The following TMEM8B variants were observed in gnomAD, a reference collection of about 807,000 sequenced individuals.
The protein encoded by TMEM8B is nasopharyngeal carcinoma expressed 6.
In TMEM8B, 29 loss-of-function variants were observed where a neutral mutation model predicts 49.3. The observed-to-expected ratio is 0.59, with a 90% CI of 0.44 to 0.80. The LOEUF (loss-of-function observed/expected upper bound fraction) is 0.80, where lower values mean the gene tolerates loss of function less well. TMEM8B is among the 30% of genes least tolerant of loss of function. The pLI, the probability that TMEM8B is intolerant of heterozygous loss-of-function variation, is 0.00. For missense variants in TMEM8B, 575 were observed against 658.5 expected (o/e 0.87, Z 1.39); for synonymous variants, 264 against 272.8 (o/e 0.97, Z 0.32).
Position 35,858,275 on chromosome 9 carries a change from G to A in TMEM8B, c.*4435G>A, listed in dbSNP as rs1832587979. Reference sequence around the variant, plus strand: ...TGGCTAATTTTTTGTGTTTTTAGTAGAGGCAGGGTTTCATCACATTTCCCG... The same window carrying A: ...TGGCTAATTTTTTGTGTTTTTAGTAAAGGCAGGGTTTCATCACATTTCCCG... On this transcript the variant is annotated 3_prime_UTR_variant, in exon 13 of 13. Coordinates refer to ENST00000643932, the MANE Select transcript of TMEM8B (RefSeq NM_001042590.4). 1 of 151,698 alleles carries A rather than the reference G, an allele frequency of 6.6e-6. No individual in the cohort carries two copies. Among genetic ancestry groups the A allele is most frequent in the South Asian group, 2.1e-4 (1 of 4,794 alleles). 9.4% of individuals were successfully genotyped at this position (151,698 alleles called of 1,614,324 possible).
intron 10 of TMEM8B, among the ~76,000 whole-genome samples, chr9:35,850,916 G>A (rs951188014): frequency 4.6e-5 from 7 of 152,072 alleles, no homozygotes; most frequent in Non-Finnish European, 1.0e-4. Context: ...ACAGTATTGG[G>A]TAATTTAGTG....
chr9:35,846,678 G>T, intron 9 of TMEM8B, 67 bp downstream of exon 9: 2 of 1,554,774 alleles, frequency 1.3e-6, no homozygotes, highest in Non-Finnish European at 1.7e-6. Context: ...CTGTGGGCAG[G>T]CGGCGGGAGT....
rs1366180971 is a variant in TMEM8B, at chr9:35,853,381, C to T, written c.2439+124C>T. The T allele has an allele frequency of 2.3e-5, 34 of 1,454,544 alleles. No homozygotes were observed. Among genetic ancestry groups the T allele is most frequent in the Middle Eastern group, 2.2e-4 (1 of 4,564 alleles). 90.1% of individuals were successfully genotyped at this position (1,454,544 alleles called of 1,614,324 possible). The stretch of plus-strand genomic sequence containing the variant: ...GTCATCACCTGCTGCTGGCAGTGTC[C>T]GCTCCAGTCTTGGCAGGTGTCTTTA... On this transcript the variant is annotated intron_variant, in intron 12 of 12. Coordinates refer to ENST00000643932, the MANE Select transcript of TMEM8B (RefSeq NM_001042590.4). This position sits in a 1 kb window ranked among gnomAD's most constrained non-coding sequence, Gnocchi z 4.2.
chr9:35,849,573 G>A (rs144635229), intron 10 of TMEM8B, among the ~76,000 whole-genome samples: 2 of 152,304 alleles, frequency 1.3e-5, no homozygotes, highest in African/African-American at 2.4e-5. Flanking sequence ...GGTAGAAGGT[G>A]AGTATCTACC....
In TMEM8B at chr9:35,842,354, G is replaced by A. The variant is rs1831099604; in HGVS notation, c.1310-38G>A. 8 of 1,438,598 alleles carry A rather than the reference G, an allele frequency of 5.6e-6. No homozygotes were observed. The highest frequency in any genetic ancestry group is 1.8e-4 in the Middle Eastern group (1 of 5,494). 89.1% of individuals were successfully genotyped at this position (1,438,598 alleles called of 1,614,324 possible). Reference sequence around the variant, plus strand: ...TTATGAGTAAGTTCAGGACTGTAAAGGCTGCAGGCCCAAGCTCTGGTTTCC... The same window carrying A: ...TTATGAGTAAGTTCAGGACTGTAAAAGCTGCAGGCCCAAGCTCTGGTTTCC... On this transcript the variant is annotated intron_variant, in intron 5 of 12. Transcript: ENST00000643932. This position sits in a 1 kb window ranked among gnomAD's most constrained non-coding sequence, Gnocchi z 5.6.
In TMEM8B at chr9:35,862,948, A is replaced by T. The variant is rs771048623; in HGVS notation, c.*9108A>T. On this transcript the variant is annotated 3_prime_UTR_variant, in exon 13 of 13. Transcript: ENST00000643932. Reference sequence around the variant, plus strand: ...GACCCGCAGCCAGGAGGTGTCAGTGATTGCCATTTGAGTTGAACTATTTAT... The same window carrying T: ...GACCCGCAGCCAGGAGGTGTCAGTGTTTGCCATTTGAGTTGAACTATTTAT... 6.6e-6 allele frequency: 1 copy of T among 152,192 alleles called. No individual in the cohort carries two copies. The highest frequency in any genetic ancestry group is 1.5e-5 in the Non-Finnish European group (1 of 68,040). 9.4% of individuals were successfully genotyped at this position (152,192 alleles called of 1,614,324 possible). A position where few individuals can be genotyped will look rare whatever the true frequency, so the allele number is the denominator to read the frequency against.
intron 1 of TMEM8B, chr9:35,833,350 G>A (rs931418208): frequency 6.6e-5 from 65 of 985,068 alleles, no homozygotes; most frequent in Non-Finnish European, 7.6e-5. Flanking sequence ...TGTCATCTTG[G>A]GCTTCTTTTC....
intron 1 of TMEM8B, among the ~76,000 whole-genome samples, chr9:35,831,766 T>C (rs1265529715): frequency 2.0e-5 from 3 of 152,212 alleles, no homozygotes; most frequent in Non-Finnish European, 2.9e-5. Flanking sequence ...TCAGGTGCTT[T>C]GGGGAGAATT....
rs1350758434 is a variant in TMEM8B at position 35,853,674 on chromosome 9, C to T, written c.2609C>T (p.Ala870Val). The stretch of plus-strand genomic sequence containing the variant: ...CACAGCATTTGGCATATGCTCATTG[C>T]GGGCAGTGTGGGCTTCCTGCTGCCC... ...YIHSIWHMLI[A>V]GSVGFLLPPR... is the part of the protein sequence containing the mutation. Residue 870 changes from alanine (A) to valine (V), a missense_variant, in exon 13 of 13, where the codon GCG becomes GTG. Physicochemically the swap from Ala to Val is moderately conservative, Grantham distance 64 (BLOSUM62 0). Coordinates refer to ENST00000643932, the MANE Select transcript of TMEM8B (RefSeq NM_001042590.4). The surrounding 1 kb of genome is among the most constrained non-coding windows in gnomAD (Gnocchi z 4.2). The T allele has an allele frequency of 2.8e-5, 46 of 1,614,076 alleles. No individual in the cohort carries two copies. The highest frequency in any genetic ancestry group is 3.4e-5 in the Non-Finnish European group (40 of 1,180,032).
intron 10 of TMEM8B, among the ~76,000 whole-genome samples, chr9:35,848,406 G>A (rs938247111): frequency 6.6e-6 from 1 of 152,126 alleles, no homozygotes; most frequent in Non-Finnish European, 1.5e-5. Context: ...GCCCACTCTC[G>A]GCTACATGCA....
intron 9 of TMEM8B, 47 bp downstream of exon 9, chr9:35,846,658 C>T (rs1831615249): frequency 6.4e-7 from 1 of 1,561,592 alleles, no homozygotes; most frequent in Middle Eastern, 2.1e-4. Flanking sequence ...TGGAGGTGGA[C>T]CTGCTGGGCC....
At chr9:35,849,989 G>A (rs1299996644) in intron 10 of TMEM8B, among the ~76,000 whole-genome samples, 2 of 152,154 alleles carry the variant, frequency 1.3e-5, no homozygotes, top group African/African-American at 4.8e-5. Flanking sequence ...TGGCATCCTG[G>A]CTACAAGCCC....
rs111636036 is a variant in TMEM8B at position 35,848,284 on chromosome 9, G to T, written c.2175+1289G>T. ...GCTTGATTGGCCCCTTTTTAGGCCT[G>T]CCCCCACAGTGCCTCATTCTATTTT... On this transcript the variant is annotated intron_variant, in intron 10 of 12. Transcript: ENST00000643932. Among the ~76,000 whole-genome samples, 1,089 of 152,222 alleles carry T rather than the reference G, an allele frequency of 7.2e-3. 17 individuals carry two copies. Among genetic ancestry groups the T allele is most frequent in the African/African-American group, 0.025 (1,020 of 41,520 alleles).
chr9:35,841,327 C>T lies in TMEM8B; in HGVS notation c.1040+60C>T. 1 of 416,810 alleles carries T rather than the reference C, an allele frequency of 2.4e-6. No individual in the cohort carries two copies. Among genetic ancestry groups the T allele is most frequent in the Non-Finnish European group, 4.4e-6 (1 of 227,452 alleles). The allele number at this position is 416,810 out of a possible 1,614,324, so 25.8% of individuals were successfully genotyped here. A position where few individuals can be genotyped will look rare whatever the true frequency, so the allele number is the denominator to read the frequency against. ...CTCTTCTGTGGCCTCATACAGGCTG[C>T]AGGGTTCTCTCTTGGCTTCTCCACC... On this transcript the variant is annotated intron_variant, in intron 4 of 12. Coordinates refer to ENST00000643932, the MANE Select transcript of TMEM8B (RefSeq NM_001042590.4). The surrounding 1 kb of genome is among the most constrained non-coding windows in gnomAD (Gnocchi z 5.9).
intron 9 of TMEM8B, 86 bp from the exon 10 acceptor site, chr9:35,846,731 C>CG: frequency 6.5e-7 from 1 of 1,544,822 alleles, no homozygotes; most frequent in Non-Finnish European, 8.7e-7. Flanking sequence ...TTGGCAGAGC[C>CG]GGGGTGAGAC....
rs1167301043 is a variant in TMEM8B at position 35,861,497 on chromosome 9, C to G, written c.*7657C>G. ...CGCTGTGGTGCACCTGTCTTCTCTA[C>G]TACACCTTAAGAGCAGGACTCTGCC... On this transcript the variant is annotated 3_prime_UTR_variant, in exon 13 of 13. Coordinates refer to ENST00000643932, the MANE Select transcript of TMEM8B (RefSeq NM_001042590.4). The G allele has an allele frequency of 6.6e-6, 1 of 152,584 alleles. No homozygotes were observed. The highest frequency in any genetic ancestry group is 2.4e-5 in the African/African-American group (1 of 41,476). The allele number at this position is 152,584 out of a possible 1,614,324, so 9.5% of individuals were successfully genotyped here. A position where few individuals can be genotyped will look rare whatever the true frequency, so the allele number is the denominator to read the frequency against.
At chr9:35,832,483 C>T (rs962844569) in intron 1 of TMEM8B, among the ~76,000 whole-genome samples, 2 of 152,120 alleles carry the variant, frequency 1.3e-5, no homozygotes, top group Admixed American at 1.3e-4. Context: ...ATTCTGTGAC[C>T]TCTGTAGCCC....
rs1305349328 is a variant in TMEM8B at position 35,841,473 on chromosome 9, G to A, written c.1041-53G>A. ...CTTCCTAGTGCTTCCCTTGCCCTGT[G>A]TTCCTCTCGCCTCTGTTTGTGCCTT... On this transcript the variant is annotated intron_variant, in intron 4 of 12. Transcript: ENST00000643932. The surrounding 1 kb of genome is among the most constrained non-coding windows in gnomAD (Gnocchi z 5.9). 21 of 414,658 alleles carry A rather than the reference G, an allele frequency of 5.1e-5. No homozygotes were observed. Among genetic ancestry groups the A allele is most frequent in the Non-Finnish European group, 8.8e-5 (20 of 227,546 alleles). The allele number at this position is 414,658 out of a possible 1,614,324, so 25.7% of individuals were successfully genotyped here.
intron 10 of TMEM8B, among the ~76,000 whole-genome samples, chr9:35,852,165 T>C (rs543163786): frequency 1.5e-4 from 23 of 152,274 alleles, no homozygotes; most frequent in African/African-American, 5.5e-4. Context: ...TGCATCCCCT[T>C]TGAACCTCCT....
Sources: gnomAD v4.1 joint callset for allele counts (sites outside exome capture counted in the v4.1 genomes callset) on GRCh38, gnomAD v4.1.1 for gene constraint, Gnocchi (gnomAD v3.1) non-coding constraint, MANE v1.5 for transcripts, NCBI Gene and HGNC (gene_info 2026-07-23, HGNC 2026-07-21) for gene names.